Variants in TNFRSF10D observed in about 807,000 individuals in gnomAD.
The protein encoded by TNFRSF10D is TNF receptor superfamily member 10d.
In TNFRSF10D, 28 loss-of-function variants were observed where a neutral mutation model predicts 42.1. The observed-to-expected ratio is 0.66, with a 90% CI of 0.49 to 0.91. TNFRSF10D has a LOEUF of 0.91. Among genes scored for constraint, TNFRSF10D ranks in the 40% least tolerant of loss-of-function variants. The probability of loss-of-function intolerance (pLI) is 0.00; values close to 1 mark genes in which losing one functional copy is unlikely to be tolerated. For synonymous variants in TNFRSF10D, 186 were observed against 189.4 expected, an observed-to-expected ratio of 0.98 and a Z score of 0.15; for missense variants, 503 against 486.1, an observed-to-expected ratio of 1.03 and a Z score of -0.33.
chr8:23,140,054 C>T (rs1364068165), intron 7 of TNFRSF10D, among the ~76,000 whole-genome samples: 2 of 152,126 alleles, frequency 1.3e-5, no homozygotes, highest in African/African-American at 2.4e-5. Flanking sequence ...CTTTGGGAGG[C>T]CAAGGAGGGC....
intron 4 of TNFRSF10D, among the ~76,000 whole-genome samples, chr8:23,146,234 A>G (rs1800118286): frequency 6.6e-6 from 1 of 152,228 alleles, no homozygotes; most frequent in Non-Finnish European, 1.5e-5. Context: ...CTCCAGGGGA[A>G]GATCACAAGC....
chr8:23,143,899 C>T (rs571306082), intron 7 of TNFRSF10D, among the ~76,000 whole-genome samples: 1 of 152,148 alleles, frequency 6.6e-6, no homozygotes, highest in Non-Finnish European at 1.5e-5. Context: ...CCAGATTTCA[C>T]ACCTACTCAA....
chr8:23,136,143 G>A lies in TNFRSF10D; in HGVS notation c.*1727C>T, dbSNP rs1201584084. The A allele has an allele frequency of 3.5e-6, 1 of 287,026 alleles. No individual in the cohort carries two copies. Among genetic ancestry groups the A allele is most frequent in the Non-Finnish European group, 6.9e-6 (1 of 144,092 alleles). 17.8% of individuals were successfully genotyped at this position (287,026 alleles called of 1,614,324 possible). ...TGGAAAAGACTGAAACCCCTAGAAT[G>A]ACTATATCCGTAATTTATCCTACCA... On this transcript the variant is annotated 3_prime_UTR_variant, in exon 9 of 9. Coordinates refer to ENST00000312584, the MANE Select transcript of TNFRSF10D (RefSeq NM_003840.5).
Position 23,138,270 on chromosome 8 carries a change from A to G in TNFRSF10D, c.955-10T>C, listed in dbSNP as rs142138389. ...CAGCTTCTGCCTGTTCCTGTAACACACAGTGGGGAATGCTCTGGTCAGAGT... is the reference window on the plus strand; with the variant it reads ...CAGCTTCTGCCTGTTCCTGTAACACGCAGTGGGGAATGCTCTGGTCAGAGT... On this transcript the variant is annotated splice_polypyrimidine_tract_variant and intron_variant, in intron 7 of 8. Coordinates refer to ENST00000312584, the MANE Select transcript of TNFRSF10D (RefSeq NM_003840.5). 1.2e-6 allele frequency: 2 copies of G among 1,614,178 alleles called. No individual in the cohort carries two copies. The highest frequency in any genetic ancestry group is 1.1e-5 in the South Asian group (1 of 91,086).
chr8:23,152,679 G>T (rs1201109800), intron 2 of TNFRSF10D, among the ~76,000 whole-genome samples: 5 of 152,224 alleles, frequency 3.3e-5, no homozygotes, highest in African/African-American at 1.2e-4. Context: ...AGAGGTGGAA[G>T]ATGTGAAAAC....
intron 2 of TNFRSF10D, 21 bp downstream of exon 2, chr8:23,154,853 T>C (rs766695678): frequency 2.5e-6 from 4 of 1,595,396 alleles, no homozygotes; most frequent in African/African-American, 1.4e-5. Context: ...AATAAACTGA[T>C]TTTTAAAAAT....
intron 7 of TNFRSF10D, among the ~76,000 whole-genome samples, chr8:23,140,225 C>T (rs1485111391): frequency 6.6e-6 from 1 of 151,738 alleles, no homozygotes; most frequent in East Asian, 1.9e-4. Context: ...GGAGGTGGAG[C>T]TTGCAGTGAG....
At chr8:23,157,798 T>C (rs1334731699) in intron 1 of TNFRSF10D, among the ~76,000 whole-genome samples, 2 of 152,226 alleles carry the variant, frequency 1.3e-5, no homozygotes, top group African/African-American at 4.8e-5. Flanking sequence ...TGTCCTAAAA[T>C]TGTTACAGTA....
intron 1 of TNFRSF10D, among the ~76,000 whole-genome samples, chr8:23,161,585 C>A (rs562191777): frequency 2.6e-5 from 4 of 152,284 alleles, no homozygotes; most frequent in Non-Finnish European, 5.9e-5. Context: ...TCCCTGCCAC[C>A]CTCCCCTGCT....
Position 23,155,021 on chromosome 8 carries a change from C to G in TNFRSF10D, c.151-42G>C. On this transcript the variant is annotated intron_variant, in intron 1 of 8. Transcript: ENST00000312584. ...GAGATGGGCTTGAGTGGCTTCCAGA[C>G]CTTACCTCTCCCAGGCTCCGTCTCA... 2.1e-6 allele frequency: 3 copies of G among 1,463,290 alleles called. No homozygotes were observed. The South Asian group carries it at 3.8e-5, about 18-fold the overall frequency. 90.6% of individuals were successfully genotyped at this position (1,463,290 alleles called of 1,614,324 possible). A position where few individuals can be genotyped will look rare whatever the true frequency, so the allele number is the denominator to read the frequency against.
intron 7 of TNFRSF10D, among the ~76,000 whole-genome samples, chr8:23,139,624 G>A (rs1187106466): frequency 6.6e-6 from 1 of 152,080 alleles, no homozygotes; most frequent in African/African-American, 2.4e-5. Context: ...CTGGAACAAG[G>A]CAAGGATGCT....
At chr8:23,139,730 G>T (rs1327202513) in intron 7 of TNFRSF10D, among the ~76,000 whole-genome samples, 1 of 152,160 alleles carries the variant, frequency 6.6e-6, no homozygotes. Context: ...ATGAAATGAA[G>T]AAGTGAAAAC....
intron 1 of TNFRSF10D, among the ~76,000 whole-genome samples, chr8:23,160,792 T>A (rs1800356273): frequency 6.6e-6 from 1 of 152,174 alleles, no homozygotes; most frequent in Non-Finnish European, 1.5e-5. Context: ...TGAGCAGCCA[T>A]CTGCAGCCAC....
intron 5 of TNFRSF10D, 59 bp downstream of exon 5, chr8:23,145,609 G>A (rs1040280395): frequency 3.1e-5 from 50 of 1,608,718 alleles, no homozygotes; most frequent in Admixed American, 1.2e-4. Context: ...CTGTGGGAAC[G>A]GAGTGGGAGA....
At chr8:23,149,455 T>C (rs1302730714) in intron 2 of TNFRSF10D, among the ~76,000 whole-genome samples, 3 of 151,504 alleles carry the variant, frequency 2.0e-5, no homozygotes, top group Non-Finnish European at 2.9e-5. Flanking sequence ...GCCAGGCTGG[T>C]CTCCAACTCC....
At chr8:23,139,319 T>C (rs1814401324) in intron 7 of TNFRSF10D, among the ~76,000 whole-genome samples, 1 of 152,186 alleles carries the variant, frequency 6.6e-6, no homozygotes, top group Admixed American at 6.5e-5. Flanking sequence ...ATACTGAATA[T>C]TAATAAAATA....
chr8:23,138,857 A>G (rs1177289171), intron 7 of TNFRSF10D, among the ~76,000 whole-genome samples: 1 of 152,222 alleles, frequency 6.6e-6, no homozygotes, highest in Non-Finnish European at 1.5e-5. Context: ...GATGATGAGA[A>G]TTTCTATATG....
chr8:23,148,155 A>G (rs113718219), intron 3 of TNFRSF10D, among the ~76,000 whole-genome samples: 9,530 of 151,254 alleles, frequency 0.063, 1,007 homozygotes, highest in African/African-American at 0.22. Context: ...TAGAAGAATC[A>G]CTAAACCTGG....
chr8:23,138,917 C>A (rs184928432), intron 7 of TNFRSF10D, among the ~76,000 whole-genome samples: 813 of 151,888 alleles, frequency 5.4e-3, no homozygotes, highest in African/African-American at 0.017. Flanking sequence ...GAGGCCTTCC[C>A]CAGAAATCAA....
Sources: gnomAD v4.1 joint callset for allele counts (sites outside exome capture counted in the v4.1 genomes callset) on GRCh38, gnomAD v4.1.1 for gene constraint, MANE v1.5 for transcripts, NCBI Gene and HGNC (gene_info 2026-07-23, HGNC 2026-07-21) for gene names.